Variants in SHH observed in about 807,000 individuals in gnomAD.
The protein encoded by SHH is sonic hedgehog signaling molecule, also known as sonic hedgehog protein.
In SHH, 3 loss-of-function variants were observed where a neutral mutation model predicts 16.6. The ratio of observed to expected loss-of-function variants is 0.18; its 90% CI spans 0.08 to 0.47. SHH has a LOEUF of 0.47. Among genes scored for constraint, SHH ranks in the 20% least tolerant of loss-of-function variants. The pLI, the probability that SHH is intolerant of heterozygous loss-of-function variation, is 0.98. For missense variants in SHH, 499 were observed against 665.0 expected, an observed-to-expected ratio of 0.75 and a Z score of 2.75; for synonymous variants, 351 against 316.2, an observed-to-expected ratio of 1.11 and a Z score of -1.17.
Position 155,811,995 on chromosome 7 carries a change from G to C in SHH, c.128C>G (p.Ala43Gly). 6.2e-7 allele frequency: 1 copy of C among 1,614,178 alleles called. No individual in the cohort carries two copies. The highest frequency in any genetic ancestry group is 1.3e-5 in the African/African-American group (1 of 75,058). ...CACATTGGGGATAAACTGCTTGTAGGCTAAAGGGGTCAGCTTTTTGGGGTG... is the reference window on the plus strand; with the variant it reads ...CACATTGGGGATAAACTGCTTGTAGCCTAAAGGGGTCAGCTTTTTGGGGTG... ...RRHPKKLTPL[A>G]YKQFIPNVAE... The change falls in exon 1 of 3, where the codon GCC (alanine) becomes GGC (glycine). Residue 43 changes from alanine to glycine, a missense_variant. Ala to Gly is a moderately conservative substitution (Grantham distance 60). Transcript: ENST00000297261.
intron 1 of SHH, among the ~76,000 whole-genome samples, chr7:155,808,534 G>T (rs1222505068): frequency 6.6e-6 from 1 of 152,220 alleles, no homozygotes; most frequent in African/African-American, 2.4e-5. Flanking sequence ...GGCTGCGCGA[G>T]TGAGGGGCGG....
In SHH at chr7:155,807,491, CG is replaced by C. The variant is rs1803397868; in HGVS notation, c.301-935del. ...GGGGAGACAGGAAGGCCTGAGGTCTCGGAGTCCTCCGCCTGGGGAGTTTCCC... is the reference window on the plus strand; with the variant it reads ...GGGGAGACAGGAAGGCCTGAGGTCTCGAGTCCTCCGCCTGGGGAGTTTCCC... On this transcript the variant is annotated intron_variant, in intron 1 of 2. Transcript: ENST00000297261. The surrounding 1 kb of genome is among the most constrained non-coding windows in gnomAD (Gnocchi z 7.1). 1 of 152,068 alleles carries C rather than the reference CG, an allele frequency of 6.6e-6. No individual in the cohort carries two copies. Among genetic ancestry groups the C allele is most frequent in the African/African-American group, 2.4e-5 (1 of 41,374 alleles). 9.4% of individuals were successfully genotyped at this position (152,068 alleles called of 1,614,324 possible). A position where few individuals can be genotyped will look rare whatever the true frequency, so the allele number is the denominator to read the frequency against.
At position 155,800,389 on chromosome 7, in the gene SHH, C is replaced by T. The variant is rs1803153425; in HGVS notation, c.*2511G>A. ...GAGTGCCACCCAGGAGTGAGGATTTCCCATCCGGGTGAAGCTCTGCTCCAA... is the reference window on the plus strand; with the variant it reads ...GAGTGCCACCCAGGAGTGAGGATTTTCCATCCGGGTGAAGCTCTGCTCCAA... On this transcript the variant is annotated 3_prime_UTR_variant, in exon 3 of 3. Coordinates refer to ENST00000297261, the MANE Select transcript of SHH (RefSeq NM_000193.4). 2.6e-6 allele frequency: 1 copy of T among 387,118 alleles called. No individual in the cohort carries two copies. The highest frequency in any genetic ancestry group is 2.1e-5 in the African/African-American group (1 of 47,876). 24.0% of individuals were successfully genotyped at this position (387,118 alleles called of 1,614,324 possible).
At position 155,803,605 on chromosome 7, in the gene SHH, G is replaced by A. The variant is rs1012924397; in HGVS notation, c.684C>T (p.Asp228=). The change falls in exon 3 of 3, where the codon GAC becomes GAT. Residue 228 remains aspartate, a synonymous_variant. Coordinates refer to ENST00000297261, the MANE Select transcript of SHH (RefSeq NM_000193.4). ...CGCTGTAGAGCAGCCGGCCCTGGTC[G>A]TCCGCCGCCAGCACGCGGTCCCCGG... ...LSPGDRVLAA[D]DQGRLLYSDF... is the part of the protein sequence containing the mutation. 1.9e-6 allele frequency: 3 copies of A among 1,598,262 alleles called. No homozygotes were observed. The highest frequency in any genetic ancestry group is 2.5e-6 in the Non-Finnish European group (3 of 1,179,502).
chr7:155,804,823 A>C (rs1803307174), intron 2 of SHH, among the ~76,000 whole-genome samples: 1 of 151,664 alleles, frequency 6.6e-6, no homozygotes, highest in African/African-American at 2.4e-5. Context: ...TTTGCATTCC[A>C]ATCTCCGGGA....
In SHH at chr7:155,800,298, G is replaced by T; in HGVS notation, c.*2602C>A. 2.2e-6 allele frequency: 1 copy of T among 454,540 alleles called. No homozygotes were observed. The allele number at this position is 454,540 out of a possible 1,614,324, so 28.2% of individuals were successfully genotyped here. ...AGCAGTGGACGCATCTTAAGAAGAT[G>T]GACCAGGAGGGCTGGGGACAGCACC... is the stretch of plus-strand genomic sequence containing the variant. On this transcript the variant is annotated 3_prime_UTR_variant, in exon 3 of 3. Transcript: ENST00000297261.
Position 155,806,437 on chromosome 7 carries a change from A to G in SHH, c.421T>C (p.Tyr141His). The part of the protein sequence containing the change: ...DGHHSEESLH[Y>H]EGRAVDITTS... The stretch of plus-strand genomic sequence containing the variant: ...GTGATGTCCACTGCGCGGCCCTCGT[A>G]GTGCAGAGACTCCTCTGAGTGGTGG... The change falls in exon 2 of 3, where the codon TAC becomes CAC. Residue 141 changes from tyrosine (Y) to histidine (H), a missense_variant. By Grantham distance (83) the Tyr-to-His change is moderately conservative. Transcript: ENST00000297261. The G allele has an allele frequency of 6.2e-7, 1 of 1,613,808 alleles. No individual in the cohort carries two copies. The highest frequency in any genetic ancestry group is 8.5e-7 in the Non-Finnish European group (1 of 1,180,036).
chr7:155,810,014 C>A (rs1206606150), intron 1 of SHH, among the ~76,000 whole-genome samples: 1 of 152,002 alleles, frequency 6.6e-6, no homozygotes. Context: ...CTACAGCGAG[C>A]CCGGCGCTGC....
chr7:155,803,194 C>A lies in SHH; in HGVS notation c.1095G>T (p.Ala365=), dbSNP rs1304554866. The change falls in exon 3 of 3, where the codon GCG becomes GCT. Residue 365 remains alanine, a synonymous_variant. Transcript: ENST00000297261. ...GCGCCCAGCTGTGCTCCTCGATGAC[C>A]GCGTAGCACGAGGCCAGCACCCGGT... ...LINRVLASCY[A]VIEEHSWAHR... 1 of 1,489,096 alleles carries A rather than the reference C, an allele frequency of 6.7e-7. No individual in the cohort carries two copies. The highest frequency in any genetic ancestry group is 2.3e-5 in the Admixed American group (1 of 44,406). The allele number at this position is 1,489,096 out of a possible 1,614,324, so 92.2% of individuals were successfully genotyped here. A position where few individuals can be genotyped will look rare whatever the true frequency, so the allele number is the denominator to read the frequency against.
intron 2 of SHH, 111 bp from the exon 3 acceptor site, chr7:155,803,837 G>C: frequency 1.1e-6 from 1 of 935,452 alleles, no homozygotes; most frequent in Non-Finnish European, 1.6e-6. Flanking sequence ...TAGGCCAGGG[G>C]TGCGCAAGGC....
chr7:155,806,206 CT>C lies in SHH; in HGVS notation c.562+89del. Reference sequence around the variant, plus strand: ...AGCGACCCTGCTCCTGGCCCTCAGCCTCCCCCCAGGTTTCTTTTTCTCTTGA... The same window carrying C: ...AGCGACCCTGCTCCTGGCCCTCAGCCCCCCCCAGGTTTCTTTTTCTCTTGA... On this transcript the variant is annotated intron_variant, in intron 2 of 2. Transcript: ENST00000297261. The C allele has an allele frequency of 2.0e-6, 3 of 1,537,918 alleles. No homozygotes were observed. In the South Asian group the frequency reaches 3.4e-5, roughly 17 times the overall value.
chr7:155,806,161 C>G (rs1309142709), intron 2 of SHH, 135 bp downstream of exon 2: 1 of 1,122,788 alleles, frequency 8.9e-7, no homozygotes, highest in Non-Finnish European at 1.3e-6. Context: ...GGTTCCACCG[C>G]GGAAACGCAG....
intron 1 of SHH, among the ~76,000 whole-genome samples, chr7:155,808,243 T>C (rs1485351326): frequency 6.6e-6 from 1 of 152,050 alleles, no homozygotes; most frequent in African/African-American, 2.4e-5. Context: ...AATCAATCAG[T>C]AAACCAGGGT....
chr7:155,806,180 C>T, intron 2 of SHH, 116 bp downstream of exon 2: 1 of 1,331,826 alleles, frequency 7.5e-7, no homozygotes, highest in Non-Finnish European at 1.1e-6. Flanking sequence ...AGTCATCGCC[C>T]AGCGACCCTG....
rs1175647891 is a variant in SHH, at chr7:155,801,631, C to G, written c.*1269G>C. On this transcript the variant is annotated 3_prime_UTR_variant, in exon 3 of 3. Coordinates refer to ENST00000297261, the MANE Select transcript of SHH (RefSeq NM_000193.4). ...AAGAGCTTCACACAATAAATACAAACAGAGCTGAGGTTTCTCCAGCCATGA... is the reference window on the plus strand; with the variant it reads ...AAGAGCTTCACACAATAAATACAAAGAGAGCTGAGGTTTCTCCAGCCATGA... The G allele has an allele frequency of 6.6e-6, 1 of 152,262 alleles. No homozygotes were observed. The highest frequency in any genetic ancestry group is 2.4e-5 in the African/African-American group (1 of 41,470). The allele number at this position is 152,262 out of a possible 1,614,324, so 9.4% of individuals were successfully genotyped here. A position where few individuals can be genotyped will look rare whatever the true frequency, so the allele number is the denominator to read the frequency against.
rs771012731 is a variant in SHH, at chr7:155,806,283, A to C, written c.562+13T>G. ...TTCCTTGGGTCGGATCCGGGGGGCCAGGGCCAGCTTACCTGCTTTCACCGA... is the reference window on the plus strand; with the variant it reads ...TTCCTTGGGTCGGATCCGGGGGGCCCGGGCCAGCTTACCTGCTTTCACCGA... On this transcript the variant is annotated intron_variant, in intron 2 of 2. Transcript: ENST00000297261. 6.2e-7 allele frequency: 1 copy of C among 1,612,938 alleles called. No homozygotes were observed. Among genetic ancestry groups the C allele is most frequent in the African/African-American group, 1.3e-5 (1 of 74,946 alleles).
chr7:155,805,047 C>G (rs948264786), intron 2 of SHH, among the ~76,000 whole-genome samples: 2 of 152,194 alleles, frequency 1.3e-5, no homozygotes, highest in African/African-American at 4.8e-5. Flanking sequence ...CGCCCCCGCC[C>G]GTGTGCTCAG....
Position 155,800,839 on chromosome 7 carries a change from C to T in SHH, c.*2061G>A, listed in dbSNP as rs1438057462. 2 of 347,008 alleles carry T rather than the reference C, an allele frequency of 5.8e-6. No individual in the cohort carries two copies. Among genetic ancestry groups the T allele is most frequent in the African/African-American group, 4.3e-5 (2 of 46,552 alleles). The allele number at this position is 347,008 out of a possible 1,614,324, so 21.5% of individuals were successfully genotyped here. The stretch of plus-strand genomic sequence containing the variant: ...AGGGACTGGGCCCAACCTCGGGAGC[C>T]AGCCCCTGCCAGGTGGGGCTGAAGT... On this transcript the variant is annotated 3_prime_UTR_variant, in exon 3 of 3. Transcript: ENST00000297261.
At chr7:155,808,164 TA>T (rs370261647) in intron 1 of SHH, among the ~76,000 whole-genome samples, 2,430 of 148,590 alleles carry the variant, frequency 0.016, 49 homozygotes, top group African/African-American at 0.047. Flanking sequence ...TGCCAGCAGT[TA>T]AAAAAAAAAG....
Sources: gnomAD v4.1 joint callset for allele counts (sites outside exome capture counted in the v4.1 genomes callset) on GRCh38, gnomAD v4.1.1 for gene constraint, Gnocchi (gnomAD v3.1) non-coding constraint, MANE v1.5 for transcripts, NCBI Gene and HGNC (gene_info 2026-07-23, HGNC 2026-07-21) for gene names.